CDH12: variants seen among roughly 807,000 people sequenced by gnomAD.
CDH12 encodes cadherin-12.
A neutral mutation model predicts 74.1 loss-of-function variants in CDH12; 41 were observed. That is an observed-to-expected ratio of 0.55 (90% CI 0.43 to 0.72). CDH12 has a LOEUF of 0.72. Among genes scored for constraint, CDH12 ranks in the 30% least tolerant of loss-of-function variants. CDH12 has a pLI of 0.00. For missense variants in CDH12, 945 were observed against 977.2 expected, an observed-to-expected ratio of 0.97 and a Z score of 0.44; for synonymous variants, 399 against 355.0, an observed-to-expected ratio of 1.12 and a Z score of -1.39.
intron 8 of CDH12, among the ~76,000 whole-genome samples, chr5:21,837,848 A>C (rs142384281): frequency 2.2e-3 from 328 of 152,248 alleles, no homozygotes; most frequent in African/African-American, 5.9e-3. Context: ...TGGTTCAAAA[A>C]TATCCCCCAC....
chr5:22,215,134 A>ATT (rs1751754135), intron 3 of CDH12, among the ~76,000 whole-genome samples: 1 of 152,176 alleles, frequency 6.6e-6, no homozygotes, highest in Non-Finnish European at 1.5e-5. Context: ...ACATTATAAT[A>ATT]TTTTATTTTT....
chr5:22,456,958 T>A (rs1580668531), intron 2 of CDH12, among the ~76,000 whole-genome samples: 1 of 152,066 alleles, frequency 6.6e-6, no homozygotes, highest in East Asian at 1.9e-4. Flanking sequence ...GTTTTTTTTT[T>A]AAGTGCAGTA....
intron 10 of CDH12, among the ~76,000 whole-genome samples, chr5:21,785,061 T>TTATTA (rs142889694): frequency 0.088 from 13,142 of 149,556 alleles, 950 homozygotes; most frequent in African/African-American, 0.19. Flanking sequence ...ATTTTGGTAA[T>TTATTA]TATTATATTT....
At chr5:22,514,511 T>G (rs1433963695) in intron 1 of CDH12, among the ~76,000 whole-genome samples, 1 of 150,526 alleles carries the variant, frequency 6.6e-6, no homozygotes, top group East Asian at 1.9e-4. Context: ...GCCTATACAC[T>G]TAAAAAAAAA....
intron 3 of CDH12, among the ~76,000 whole-genome samples, chr5:22,336,277 T>G (rs537315887): frequency 6.6e-6 from 1 of 152,138 alleles, no homozygotes; most frequent in Non-Finnish European, 1.5e-5. Context: ...TTCAGAAAAT[T>G]TTCAGCCAGA....
chr5:22,689,116 T>C (rs1741954493), intron 1 of CDH12, among the ~76,000 whole-genome samples: 2 of 152,182 alleles, frequency 1.3e-5, no homozygotes, highest in African/African-American at 4.8e-5. Flanking sequence ...GGACAATCTG[T>C]AGTATTCTAG....
chr5:21,841,967 C>T (rs1043213523), intron 8 of CDH12, among the ~76,000 whole-genome samples, 194 bp downstream of exon 8: 1 of 151,242 alleles, frequency 6.6e-6, no homozygotes, highest in South Asian at 2.1e-4. Flanking sequence ...ATGTAACTAA[C>T]CTGCACATTC....
chr5:22,080,971 G>C (rs1432688533), intron 4 of CDH12, among the ~76,000 whole-genome samples: 1 of 151,812 alleles, frequency 6.6e-6, no homozygotes, highest in African/African-American at 2.4e-5. Context: ...AGTAGAGACG[G>C]GGTTTCACCA....
chr5:22,032,055 A>G (rs1376844366), intron 5 of CDH12, among the ~76,000 whole-genome samples: 4 of 151,996 alleles, frequency 2.6e-5, no homozygotes, highest in African/African-American at 9.7e-5. Flanking sequence ...AAAGCTCAAT[A>G]AAGTGAAATA....
intron 8 of CDH12, among the ~76,000 whole-genome samples, 153 bp from the exon 9 acceptor site, chr5:21,817,285 T>C (rs932473365): frequency 7.2e-5 from 11 of 152,130 alleles, no homozygotes; most frequent in Admixed American, 7.2e-4. Context: ...AGTTAAGGAT[T>C]ATGATTAGGA....
intron 1 of CDH12, among the ~76,000 whole-genome samples, chr5:22,774,002 C>G (rs1045426507): frequency 2.6e-5 from 4 of 152,004 alleles, no homozygotes; most frequent in Non-Finnish European, 5.9e-5. Flanking sequence ...ACTGGTAAGG[C>G]TGTGGAGGGA....
intron 1 of CDH12, among the ~76,000 whole-genome samples, chr5:22,716,138 A>AAAAC (rs758179827): frequency 6.6e-5 from 10 of 152,126 alleles, no homozygotes; most frequent in African/African-American, 2.4e-4. Flanking sequence ...CTCTGTCTCA[A>AAAAC]AAACAAACAA....
At chr5:22,764,363 G>C (rs535079259) in intron 1 of CDH12, among the ~76,000 whole-genome samples, 16 of 152,030 alleles carry the variant, frequency 1.1e-4, no homozygotes, top group African/African-American at 2.9e-4. Flanking sequence ...TAGCCAATCT[G>C]TAGTTAAATT....
intron 5 of CDH12, among the ~76,000 whole-genome samples, chr5:22,077,020 G>T (rs1320917627): frequency 1.3e-5 from 2 of 151,000 alleles, no homozygotes; most frequent in African/African-American, 4.9e-5. Context: ...CTGTAAAGGA[G>T]ATAGTTCATA....
In CDH12 at chr5:22,718,654, G is replaced by A. The variant is rs528228714; in HGVS notation, c.-523+134404C>T. Among the ~76,000 whole-genome samples the A allele has an allele frequency of 5.9e-5, 9 of 152,270 alleles. 1 individual carries two copies. The South Asian group carries it at 8.3e-4, about 14-fold the overall frequency. On this transcript the variant is annotated intron_variant, in intron 1 of 14. Coordinates refer to ENST00000382254, the MANE Select transcript of CDH12 (RefSeq NM_004061.5). ...GGGAGCTCAGGGTCACTCGATATCA[G>A]TCTTGACCTCCAGAGACAATGGAGA...
Position 21,840,992 on chromosome 5 carries a change from C to A in CDH12, c.814+1169G>T, listed in dbSNP as rs1217775231. ...ACACCAAAAGCAATGGCAACAAAAG[C>A]CAAAATTGACAAATGGGATCTAATT... is the stretch of plus-strand genomic sequence containing the variant. On this transcript the variant is annotated intron_variant, in intron 8 of 14. Coordinates refer to ENST00000382254, the MANE Select transcript of CDH12 (RefSeq NM_004061.5). Among the ~76,000 whole-genome samples the A allele has an allele frequency of 6.9e-4, 105 of 151,736 alleles. 1 individual carries two copies. The highest frequency in any genetic ancestry group is 6.6e-3 in the East Asian group (34 of 5,146).
chr5:22,199,545 A>C (rs1750805972), intron 4 of CDH12, among the ~76,000 whole-genome samples: 1 of 152,178 alleles, frequency 6.6e-6, no homozygotes, highest in Admixed American at 6.5e-5. Flanking sequence ...CTCTGGGCTG[A>C]GTTCCTCTTT....
intron 4 of CDH12, among the ~76,000 whole-genome samples, chr5:22,181,888 C>T (rs913097730): frequency 1.3e-5 from 2 of 152,082 alleles, no homozygotes; most frequent in Non-Finnish European, 2.9e-5. Flanking sequence ...AGAAACTACT[C>T]CCAAATCATC....
At chr5:21,897,658 G>A (rs1753185606) in intron 6 of CDH12, among the ~76,000 whole-genome samples, 1 of 152,040 alleles carries the variant, frequency 6.6e-6, no homozygotes, top group African/African-American at 2.4e-5. Context: ...ACATATGCTT[G>A]CAATAAAACT....
Sources: allele counts gnomAD v4.1 joint callset (sites outside exome capture counted in the v4.1 genomes callset), GRCh38; gene constraint gnomAD v4.1.1; transcripts MANE v1.5; gene names NCBI Gene and HGNC (gene_info 2026-07-23, HGNC 2026-07-21).